ADGRB3: variants seen among roughly 807,000 people sequenced by gnomAD.
ADGRB3 encodes the protein brain-specific angiogenesis inhibitor 3.
A neutral mutation model predicts 193.4 loss-of-function variants in ADGRB3; 37 were observed. The ratio of observed to expected loss-of-function variants is 0.19; its 90% CI spans 0.15 to 0.25. The LOEUF (loss-of-function observed/expected upper bound fraction) is 0.25, where lower values mean the gene tolerates loss of function less well. Among genes scored for constraint, ADGRB3 ranks in the 10% least tolerant of loss-of-function variants. The probability of loss-of-function intolerance (pLI) is 1.00; values close to 1 mark genes in which losing one functional copy is unlikely to be tolerated. For synonymous variants in ADGRB3, 690 were observed against 644.2 expected (o/e 1.07, Z -1.08); for missense variants, 1,637 against 1,852.9 (o/e 0.88, Z 2.14).
chr6:68,897,142 A>G (rs1250528199), intron 3 of ADGRB3, among the ~76,000 whole-genome samples: 1 of 151,996 alleles, frequency 6.6e-6, no homozygotes, highest in Admixed American at 6.6e-5. Context: ...AGAAAGGAGA[A>G]GGGATGAAGA....
chr6:68,864,043 C>G (rs1162830680), intron 3 of ADGRB3, among the ~76,000 whole-genome samples: 1 of 152,052 alleles, frequency 6.6e-6, no homozygotes, highest in Non-Finnish European at 1.5e-5. Context: ...ATCAATTCTT[C>G]TTTTTTATAA....
intron 13 of ADGRB3, among the ~76,000 whole-genome samples, chr6:69,036,673 G>A (rs1348578165): frequency 1.3e-5 from 2 of 152,084 alleles, no homozygotes; most frequent in African/African-American, 4.8e-5. Context: ...AAATAATTTA[G>A]CGGAGACCCA....
At chr6:68,793,826 G>A (rs1439053058) in intron 3 of ADGRB3, among the ~76,000 whole-genome samples, 1 of 152,106 alleles carries the variant, frequency 6.6e-6, no homozygotes, top group Non-Finnish European at 1.5e-5. Flanking sequence ...ACCACGCCCA[G>A]CGTATATTTA....
chr6:68,817,638 A>G (rs1322514354), intron 3 of ADGRB3, among the ~76,000 whole-genome samples: 1 of 151,814 alleles, frequency 6.6e-6, no homozygotes, highest in East Asian at 1.9e-4. Flanking sequence ...GTCTTGTAAT[A>G]ATCTGTAAGG....
intron 3 of ADGRB3, among the ~76,000 whole-genome samples, chr6:68,887,393 G>C (rs1382849342): frequency 1.3e-5 from 2 of 152,032 alleles, no homozygotes; most frequent in Admixed American, 1.3e-4. Context: ...TATTTTATGT[G>C]TATTGGTTTT....
At chr6:69,123,891 A>G (rs1040201257) in intron 17 of ADGRB3, among the ~76,000 whole-genome samples, 8 of 152,176 alleles carry the variant, frequency 5.3e-5, no homozygotes, top group Admixed American at 2.6e-4. Context: ...CTTTATAAGG[A>G]CTTAATTACT....
chr6:69,052,956 C>T (rs1374401711), intron 15 of ADGRB3, among the ~76,000 whole-genome samples: 7 of 152,104 alleles, frequency 4.6e-5, no homozygotes, highest in African/African-American at 1.4e-4. Context: ...GAGGCCGAGG[C>T]GGGTGGATGA....
intron 20 of ADGRB3, 49 bp downstream of exon 20, chr6:69,239,275 A>G (rs528853884): frequency 7.7e-6 from 10 of 1,305,538 alleles, no homozygotes; most frequent in Non-Finnish European, 1.1e-5. Flanking sequence ...ATATTTTGGC[A>G]TATTGTTAGT....
chr6:69,250,158 A>G (rs1006165695), intron 20 of ADGRB3, among the ~76,000 whole-genome samples: 2 of 152,194 alleles, frequency 1.3e-5, no homozygotes, highest in African/African-American at 2.4e-5. Flanking sequence ...ACATCAGTAT[A>G]TACATGCAAT....
chr6:69,332,815 A>G (rs1436028447), intron 23 of ADGRB3, 108 bp from the exon 24 acceptor site: 1 of 1,497,034 alleles, frequency 6.7e-7, no homozygotes, highest in East Asian at 2.4e-5. Context: ...TCATACCACT[A>G]CTAGTGATAC....
chr6:69,095,215 G>A (rs375233589), intron 17 of ADGRB3, among the ~76,000 whole-genome samples: 1 of 152,172 alleles, frequency 6.6e-6, no homozygotes, highest in Admixed American at 6.5e-5. Flanking sequence ...TAAATGGTAG[G>A]AATATGTAGA....
At chr6:69,312,157 C>T (rs1044935800) in intron 20 of ADGRB3, among the ~76,000 whole-genome samples, 11 of 151,604 alleles carry the variant, frequency 7.3e-5, no homozygotes, top group Non-Finnish European at 1.5e-4. Context: ...AAAGAGTGAG[C>T]GATGGCACCA....
intron 3 of ADGRB3, among the ~76,000 whole-genome samples, chr6:68,681,400 C>T (rs1422165886): frequency 6.6e-6 from 1 of 152,100 alleles, no homozygotes; most frequent in Non-Finnish European, 1.5e-5. Context: ...CCACCTCAGC[C>T]CCCCATGCAG....
chr6:69,269,862 A>G lies in ADGRB3; in HGVS notation c.2814+30636A>G, dbSNP rs139378591. Among the ~76,000 whole-genome samples the G allele has an allele frequency of 2.9e-3, 437 of 152,324 alleles. 6 individuals carry two copies. Among genetic ancestry groups the G allele is most frequent in the African/African-American group, 8.0e-3 (334 of 41,578 alleles). The stretch of plus-strand genomic sequence containing the variant: ...AATTAAATATTGTAAAAGCTACCTT[A>G]TACTTTACTGTCATACAAAATCCTT... On this transcript the variant is annotated intron_variant, in intron 20 of 31. Transcript: ENST00000370598.
intron 3 of ADGRB3, among the ~76,000 whole-genome samples, chr6:68,658,010 C>T (rs1353432709): frequency 6.6e-6 from 1 of 151,350 alleles, no homozygotes; most frequent in Non-Finnish European, 1.5e-5. Context: ...CAACAGACTA[C>T]TAAGCCCATA....
At chr6:69,384,319 A>T (rs1770016058) in intron 31 of ADGRB3, among the ~76,000 whole-genome samples, 1 of 152,058 alleles carries the variant, frequency 6.6e-6, no homozygotes, top group South Asian at 2.1e-4. Context: ...TTCATTCATA[A>T]TGAGTGGATC....
chr6:68,885,902 A>C (rs955247214), intron 3 of ADGRB3, among the ~76,000 whole-genome samples: 7 of 152,158 alleles, frequency 4.6e-5, no homozygotes, highest in Non-Finnish European at 1.0e-4. Flanking sequence ...TAAGGCAATA[A>C]ATAGCTTATG....
intron 3 of ADGRB3, among the ~76,000 whole-genome samples, chr6:68,812,067 C>T (rs1320338703): frequency 6.6e-6 from 1 of 152,090 alleles, no homozygotes; most frequent in Non-Finnish European, 1.5e-5. Context: ...AACAGGGTCA[C>T]AGAGGTGCAA....
chr6:69,078,314 C>A (rs1430398156), intron 17 of ADGRB3, among the ~76,000 whole-genome samples: 3 of 151,794 alleles, frequency 2.0e-5, no homozygotes, highest in Admixed American at 2.0e-4. Flanking sequence ...TGTAAAGAGC[C>A]CCACTGATCA....
Sources: allele counts gnomAD v4.1 joint callset (sites outside exome capture counted in the v4.1 genomes callset), GRCh38; gene constraint gnomAD v4.1.1; transcripts MANE v1.5; gene names NCBI Gene and HGNC (gene_info 2026-07-23, HGNC 2026-07-21).